The following DNAJC6 variants were observed in gnomAD, a reference collection of about 807,000 sequenced individuals.
The protein encoded by DNAJC6 is auxilin.
DNAJC6 carries 34 observed loss-of-function variants against 110.0 expected under a neutral mutation model. That is an observed-to-expected ratio of 0.31 (90% confidence interval 0.24 to 0.41). The LOEUF (loss-of-function observed/expected upper bound fraction) is 0.41. Ranked by LOEUF, DNAJC6 falls within the 10% of genes least tolerant of loss-of-function variation. The pLI is 1.00. For synonymous variants in DNAJC6, 406 were observed against 437.2 expected, an observed-to-expected ratio of 0.93 and a Z score of 0.89; for missense variants, 1,031 against 1,207.8, an observed-to-expected ratio of 0.85 and a Z score of 2.17.
At position 65,412,170 on chromosome 1, in the gene DNAJC6, C is replaced by G. The variant is rs77537709; in HGVS notation, c.2811+744C>G. On this transcript the variant is annotated intron_variant, in intron 18 of 18. Coordinates refer to ENST00000371069, the MANE Select transcript of DNAJC6 (RefSeq NM_001256864.2). ...TTCAGAATGGAATTAAATTTGCCCT[C>G]TCTTGATTATTACTACATTGATTAT... 8.2e-3 allele frequency among the ~76,000 whole-genome samples: 1,249 copies of G among 152,270 alleles called. 19 individuals carry two copies. The highest frequency in any genetic ancestry group is 0.029 in the African/African-American group (1,201 of 41,548).
In DNAJC6 at chr1:65,406,029, C is replaced by T; in HGVS notation, c.2387C>T (p.Pro796Leu). 6.2e-7 allele frequency: 1 copy of T among 1,614,130 alleles called. No homozygotes were observed. The highest frequency in any genetic ancestry group is 8.5e-7 in the Non-Finnish European group (1 of 1,180,036). The change falls in exon 16 of 19, where the codon CCC becomes CTC. Residue 796 changes from proline (P) to leucine (L), a missense_variant. Coordinates refer to ENST00000371069, the MANE Select transcript of DNAJC6 (RefSeq NM_001256864.2). ...NWQQPQPKPQ[P>L]SMPHSSPQNR... is the part of the protein sequence containing the mutation. ...CAGCAGCCACAGCCTAAGCCTCAGCCCAGCATGCCCCACTCCTCTCCCCAG... is the reference window on the plus strand; with the variant it reads ...CAGCAGCCACAGCCTAAGCCTCAGCTCAGCATGCCCCACTCCTCTCCCCAG...
At chr1:65,379,776 T>G (rs554256077) in intron 5 of DNAJC6, 4 of 330,536 alleles carry the variant, frequency 1.2e-5, no homozygotes, top group Admixed American at 9.7e-5. Flanking sequence ...GTGCTAAGTA[T>G]TATAAAGGAG....
chr1:65,338,129 C>G (rs1222309643), intron 1 of DNAJC6, among the ~76,000 whole-genome samples: 2 of 152,106 alleles, frequency 1.3e-5, no homozygotes, highest in Non-Finnish European at 2.9e-5. Flanking sequence ...TGCTCCTGAG[C>G]TGGTTTTTGT....
At chr1:65,280,311 G>A (rs967386284) in intron 1 of DNAJC6, among the ~76,000 whole-genome samples, 2 of 152,018 alleles carry the variant, frequency 1.3e-5, no homozygotes, top group African/African-American at 4.8e-5. Context: ...AATGTACTGA[G>A]TTCAGATTAT....
intron 1 of DNAJC6, among the ~76,000 whole-genome samples, chr1:65,344,173 G>A (rs540746763): frequency 7.2e-5 from 11 of 152,230 alleles, no homozygotes; most frequent in Middle Eastern, 3.4e-3. Context: ...AGCCCACCAG[G>A]GTGCAGCCTG....
intron 1 of DNAJC6, among the ~76,000 whole-genome samples, chr1:65,331,969 A>G (rs1025273626): frequency 1.3e-5 from 2 of 151,964 alleles, no homozygotes; most frequent in African/African-American, 2.4e-5. Context: ...CTGCTGCCAC[A>G]TGTTCCTTAC....
At chr1:65,388,301 A>G (rs147192766) in intron 8 of DNAJC6, 35 bp from the exon 9 acceptor site, 82 of 1,575,852 alleles carry the variant, frequency 5.2e-5, no homozygotes, top group Middle Eastern at 3.3e-4. Context: ...CTTTTCGCTG[A>G]TTGATTGTAA....
intron 1 of DNAJC6, 36 bp downstream of exon 1, chr1:65,309,974 C>T (rs893609038): frequency 2.6e-5 from 35 of 1,362,412 alleles, no homozygotes; most frequent in Non-Finnish European, 3.3e-5. Flanking sequence ...CGCTGAGCCC[C>T]GCGCGGCCTC....
chr1:65,387,076 C>A, intron 8 of DNAJC6, 147 bp downstream of exon 8: 1 of 694,516 alleles, frequency 1.4e-6, no homozygotes, highest in East Asian at 2.7e-5. Context: ...AGCTCACCTC[C>A]TTCATCTTAC....
At chr1:65,385,674 G>A (rs374715910) in intron 6 of DNAJC6, 38 bp from the exon 7 acceptor site, 60 of 1,438,106 alleles carry the variant, frequency 4.2e-5, no homozygotes, top group Non-Finnish European at 5.1e-5. Flanking sequence ...TTCTCCTGAT[G>A]TGATGGGCCC....
At chr1:65,397,332 A>G (rs923482683) in intron 13 of DNAJC6, among the ~76,000 whole-genome samples, 2 of 152,006 alleles carry the variant, frequency 1.3e-5, no homozygotes, top group African/African-American at 4.8e-5. Flanking sequence ...TCATGAAAAT[A>G]AAAAAAATAC....
intron 1 of DNAJC6, among the ~76,000 whole-genome samples, chr1:65,331,093 C>T (rs559956777): frequency 5.3e-5 from 8 of 152,174 alleles, no homozygotes; most frequent in African/African-American, 1.9e-4. Flanking sequence ...GTAGTCCATG[C>T]GACGAGCTAA....
chr1:65,361,291 C>A (rs1028460811), intron 1 of DNAJC6, among the ~76,000 whole-genome samples: 3 of 152,144 alleles, frequency 2.0e-5, no homozygotes, highest in African/African-American at 7.2e-5. Context: ...TCCATATGTC[C>A]ATTCATTGTT....
intron 1 of DNAJC6, among the ~76,000 whole-genome samples, chr1:65,281,435 C>A (rs1382673890): frequency 6.6e-6 from 1 of 152,170 alleles, no homozygotes; most frequent in South Asian, 2.1e-4. Context: ...CCTCCTCCCC[C>A]TAGCCCCTGG....
intron 6 of DNAJC6, 70 bp from the exon 7 acceptor site, chr1:65,385,642 A>T (rs1197875219): frequency 7.6e-7 from 1 of 1,318,026 alleles, no homozygotes; most frequent in Non-Finnish European, 1.0e-6. Flanking sequence ...AAGAATCTTC[A>T]TAGCAAATAT....
chr1:65,390,590 C>T (rs1292149113), intron 11 of DNAJC6, among the ~76,000 whole-genome samples: 1 of 152,172 alleles, frequency 6.6e-6, no homozygotes, highest in East Asian at 1.9e-4. Context: ...CTGTGAGATT[C>T]AGTGTAGACG....
At chr1:65,390,867 C>G (rs1264023155) in intron 11 of DNAJC6, among the ~76,000 whole-genome samples, 1 of 152,146 alleles carries the variant, frequency 6.6e-6, no homozygotes, top group African/African-American at 2.4e-5. Flanking sequence ...GATTTCTTAT[C>G]CCCTGTTGGC....
At chr1:65,349,089 T>TAA (rs1207301533) in intron 1 of DNAJC6, among the ~76,000 whole-genome samples, 2 of 136,456 alleles carry the variant, frequency 1.5e-5, no homozygotes, top group Non-Finnish European at 3.2e-5. Flanking sequence ...AATATATATG[T>TAA]AAATATATAT....
At chr1:65,344,853 G>A (rs1279571137) in intron 1 of DNAJC6, among the ~76,000 whole-genome samples, 3 of 152,076 alleles carry the variant, frequency 2.0e-5, no homozygotes, top group African/African-American at 7.2e-5. Context: ...GCAGGATGGG[G>A]CTACATATGA....
Sources: gnomAD v4.1 joint callset for allele counts (sites outside exome capture counted in the v4.1 genomes callset) on GRCh38, gnomAD v4.1.1 for gene constraint, MANE v1.5 for transcripts, NCBI Gene and HGNC (gene_info 2026-07-23, HGNC 2026-07-21) for gene names.